GDF11: variants seen among roughly 807,000 people sequenced by gnomAD.
GDF11 encodes the protein growth/differentiation factor 11.
In GDF11, 12 loss-of-function variants were observed where a neutral mutation model predicts 34.4. The ratio of observed to expected loss-of-function variants is 0.35; its 90% CI spans 0.22 to 0.57. The LOEUF (loss-of-function observed/expected upper bound fraction) is 0.57, where lower values mean the gene tolerates loss of function less well. Among genes scored for constraint, GDF11 ranks in the 20% least tolerant of loss-of-function variants. The pLI is 0.86. For synonymous variants in GDF11, 212 were observed against 231.1 expected (o/e 0.92, Z 0.75); for missense variants, 346 against 548.2 (o/e 0.63, Z 3.68).
Position 55,748,169 on chromosome 12 carries a change from A to T in GDF11, c.446-417A>T, listed in dbSNP as rs766679521. On this transcript the variant is annotated intron_variant, in intron 1 of 2. Transcript: ENST00000257868. The surrounding 1 kb of genome is among the most constrained non-coding windows in gnomAD (Gnocchi z 5.6). ...CCAGGCTCTACCTGTCCAGCAGATA[A>T]ATCAGAGCAGATAGGGGAAAGGTGA... Among the ~76,000 whole-genome samples the T allele has an allele frequency of 6.6e-6, 1 of 152,212 alleles. No homozygotes were observed. The highest frequency in any genetic ancestry group is 2.4e-5 in the African/African-American group (1 of 41,446).
rs1207638309 is a variant in GDF11 at position 55,748,034 on chromosome 12, T to C, written c.446-552T>C. Among the ~76,000 whole-genome samples the C allele has an allele frequency of 6.6e-6, 1 of 152,210 alleles. No individual in the cohort carries two copies. Among genetic ancestry groups the C allele is most frequent in the Non-Finnish European group, 1.5e-5 (1 of 68,038 alleles). Reference sequence around the variant, plus strand: ...ATGGGAGTGAGGCAAGAAGCCTAGATCTGAATTCTGGTTTACATAATGGGA... The same window carrying C: ...ATGGGAGTGAGGCAAGAAGCCTAGACCTGAATTCTGGTTTACATAATGGGA... On this transcript the variant is annotated intron_variant, in intron 1 of 2. Transcript: ENST00000257868. The surrounding 1 kb of genome is among the most constrained non-coding windows in gnomAD (Gnocchi z 5.6).
chr12:55,744,707 C>A (rs530599439), intron 1 of GDF11, among the ~76,000 whole-genome samples: 5 of 151,426 alleles, frequency 3.3e-5, no homozygotes, highest in South Asian at 2.1e-4. Context: ...AGGTCTCCCC[C>A]CCTCCCCAAC....
chr12:55,743,972 T>G (rs1164515889), intron 1 of GDF11, among the ~76,000 whole-genome samples: 1 of 151,804 alleles, frequency 6.6e-6, no homozygotes, highest in East Asian at 1.9e-4. Context: ...TTCCCGGAGG[T>G]TGGGGCGGGG....
At position 55,749,903 on chromosome 12, in the gene GDF11, TCCCCCACAGACCCTACCCCAAGACC is replaced by T; in HGVS notation, c.*24_*48del. The T allele has an allele frequency of 1.9e-6, 3 of 1,590,210 alleles. No individual in the cohort carries two copies. The highest frequency in any genetic ancestry group is 2.6e-6 in the Non-Finnish European group (3 of 1,165,534). ...CTTAAGGTGGGGGATAGAGGATGCC[TCCCCCACAGACCCTACCCCAAGACC>T]CCTAGCCCTGCCCCCATCCCCCCAA... On this transcript the variant is annotated 3_prime_UTR_variant, in exon 3 of 3. Transcript: ENST00000257868. The surrounding 1 kb of genome is among the most constrained non-coding windows in gnomAD (Gnocchi z 5.6).
rs1159492220 is a variant in GDF11 at position 55,748,529 on chromosome 12, C to T, written c.446-57C>T. ...CCAAAATTGCCAGTGCCACCCAGGA[C>T]TACTGATCCCCTACACAAACACCCT... On this transcript the variant is annotated intron_variant, in intron 1 of 2. Transcript: ENST00000257868. This position sits in a 1 kb window ranked among gnomAD's most constrained non-coding sequence, Gnocchi z 5.6. 1 of 1,509,884 alleles carries T rather than the reference C, an allele frequency of 6.6e-7. No homozygotes were observed. The highest frequency in any genetic ancestry group is 8.9e-7 in the Non-Finnish European group (1 of 1,121,074). 93.5% of individuals were successfully genotyped at this position (1,509,884 alleles called of 1,614,324 possible). A position where few individuals can be genotyped will look rare whatever the true frequency, so the allele number is the denominator to read the frequency against.
At chr12:55,745,860 C>A (rs1318940990) in intron 1 of GDF11, among the ~76,000 whole-genome samples, 2 of 151,828 alleles carry the variant, frequency 1.3e-5, no homozygotes, top group African/African-American at 4.8e-5. Flanking sequence ...CAGCCCCCTG[C>A]CCTTCTGGGA....
Position 55,754,724 on chromosome 12 carries a change from T to G in GDF11, c.*4842T>G, listed in dbSNP as rs1878449702. 6.6e-6 allele frequency: 1 copy of G among 152,220 alleles called. No homozygotes were observed. The highest frequency in any genetic ancestry group is 2.1e-4 in the South Asian group (1 of 4,834). The allele number at this position is 152,220 out of a possible 1,614,324, so 9.4% of individuals were successfully genotyped here. ...ACTATGCAAATTATGGTAAGCAAAT[T>G]GTAGTGTGAATACATGATATGAGAA... On this transcript the variant is annotated 3_prime_UTR_variant, in exon 3 of 3. Coordinates refer to ENST00000257868, the MANE Select transcript of GDF11 (RefSeq NM_005811.5).
In GDF11 at chr12:55,749,077, T is replaced by C. The variant is rs578095622; in HGVS notation, c.843+94T>C. 1.2e-5 allele frequency: 15 copies of C among 1,291,476 alleles called. No homozygotes were observed. The highest frequency in any genetic ancestry group is 4.5e-5 in the African/African-American group (3 of 67,290). The allele number at this position is 1,291,476 out of a possible 1,614,324, so 80.0% of individuals were successfully genotyped here. A position where few individuals can be genotyped will look rare whatever the true frequency, so the allele number is the denominator to read the frequency against. ...AGGTAGACAAGGAATGTGAAGGAGG[T>C]TGGGGACCAGCATTACTTCTCTGGG... is the stretch of plus-strand genomic sequence containing the variant. On this transcript the variant is annotated intron_variant, in intron 2 of 2. Transcript: ENST00000257868. This position sits in a 1 kb window ranked among gnomAD's most constrained non-coding sequence, Gnocchi z 5.6.
At position 55,743,126 on chromosome 12, in the gene GDF11, G is replaced by T. The variant is rs1231444141; in HGVS notation, c.-191G>T. ...GGCCCGGGCTCGGGCCCCCCCAGCCGCCCGCCCCGGCCGCCCGCCCGCCCC... is the reference window on the plus strand; with the variant it reads ...GGCCCGGGCTCGGGCCCCCCCAGCCTCCCGCCCCGGCCGCCCGCCCGCCCC... On this transcript the variant is annotated 5_prime_UTR_variant, in exon 1 of 3. Coordinates refer to ENST00000257868, the MANE Select transcript of GDF11 (RefSeq NM_005811.5). 2.8e-5 allele frequency among the ~76,000 whole-genome samples: 3 copies of T among 105,886 alleles called. No homozygotes were observed. The highest frequency in any genetic ancestry group is 9.8e-5 in the Admixed American group (1 of 10,172). The allele number at this position is 105,886 out of a possible 152,430, so 69.5% of individuals were successfully genotyped here.
At chr12:55,746,770 AATT>A (rs780645814) in intron 1 of GDF11, among the ~76,000 whole-genome samples, 8 of 152,382 alleles carry the variant, frequency 5.2e-5, no homozygotes, top group Middle Eastern at 3.4e-3. Flanking sequence ...GTGAAGCAAG[AATT>A]ATTATTATCT....
chr12:55,743,793 T>C (rs775708403), intron 1 of GDF11, 32 bp downstream of exon 1: 1 of 1,474,258 alleles, frequency 6.8e-7, no homozygotes, highest in Admixed American at 2.1e-5. Flanking sequence ...AGCAGTGGGG[T>C]GCTGGCTCTG....
chr12:55,754,357 T>G lies in GDF11; in HGVS notation c.*4475T>G, dbSNP rs528080420. On this transcript the variant is annotated 3_prime_UTR_variant, in exon 3 of 3. Coordinates refer to ENST00000257868, the MANE Select transcript of GDF11 (RefSeq NM_005811.5). Reference sequence around the variant, plus strand: ...GAAGGCATGGGAAGCTATCCTATACTCTGACCTTGCCTATATTTTAAATGG... The same window carrying G: ...GAAGGCATGGGAAGCTATCCTATACGCTGACCTTGCCTATATTTTAAATGG... 1 of 152,216 alleles carries G rather than the reference T, an allele frequency of 6.6e-6. No homozygotes were observed. The highest frequency in any genetic ancestry group is 1.9e-4 in the East Asian group (1 of 5,190). The allele number at this position is 152,216 out of a possible 1,614,324, so 9.4% of individuals were successfully genotyped here.
Position 55,749,916 on chromosome 12 carries a change from C to T in GDF11, c.*34C>T, listed in dbSNP as rs770145745. 2.5e-6 allele frequency: 4 copies of T among 1,569,038 alleles called. No homozygotes were observed. Among genetic ancestry groups the T allele is most frequent in the Non-Finnish European group, 3.5e-6 (4 of 1,151,762 alleles). On this transcript the variant is annotated 3_prime_UTR_variant, in exon 3 of 3. Coordinates refer to ENST00000257868, the MANE Select transcript of GDF11 (RefSeq NM_005811.5). The surrounding 1 kb of genome is among the most constrained non-coding windows in gnomAD (Gnocchi z 5.6). The stretch of plus-strand genomic sequence containing the variant: ...ATAGAGGATGCCTCCCCCACAGACC[C>T]TACCCCAAGACCCCTAGCCCTGCCC...
At position 55,755,106 on chromosome 12, in the gene GDF11, A is replaced by G. The variant is rs1205824120; in HGVS notation, c.*5224A>G. 6.6e-6 allele frequency: 1 copy of G among 152,242 alleles called. No homozygotes were observed. Among genetic ancestry groups the G allele is most frequent in the African/African-American group, 2.4e-5 (1 of 41,464 alleles). The allele number at this position is 152,242 out of a possible 1,614,324, so 9.4% of individuals were successfully genotyped here. A position where few individuals can be genotyped will look rare whatever the true frequency, so the allele number is the denominator to read the frequency against. ...GAGGTTAAATTTTGGGGGGATTCCAATAATCAGAAATAAGTGGCATTGCCA... is the reference window on the plus strand; with the variant it reads ...GAGGTTAAATTTTGGGGGGATTCCAGTAATCAGAAATAAGTGGCATTGCCA... On this transcript the variant is annotated 3_prime_UTR_variant, in exon 3 of 3. Coordinates refer to ENST00000257868, the MANE Select transcript of GDF11 (RefSeq NM_005811.5).
intron 1 of GDF11, among the ~76,000 whole-genome samples, chr12:55,744,700 T>C (rs1878143205): frequency 7.1e-6 from 1 of 141,112 alleles, no homozygotes; most frequent in South Asian, 2.5e-4. Flanking sequence ...CCCACTGAGG[T>C]CTCCCCCCCT....
At position 55,749,034 on chromosome 12, in the gene GDF11, A is replaced by G; in HGVS notation, c.843+51A>G. 1 of 1,490,818 alleles carries G rather than the reference A, an allele frequency of 6.7e-7. No homozygotes were observed. Among genetic ancestry groups the G allele is most frequent in the Non-Finnish European group, 9.0e-7 (1 of 1,115,992 alleles). 92.3% of individuals were successfully genotyped at this position (1,490,818 alleles called of 1,614,324 possible). ...ATATGTGTAACCTGGCCCTGAGGAGATAGGGTTACATTGGAAAAGGTAGAC... is the reference window on the plus strand; with the variant it reads ...ATATGTGTAACCTGGCCCTGAGGAGGTAGGGTTACATTGGAAAAGGTAGAC... On this transcript the variant is annotated intron_variant, in intron 2 of 2. Transcript: ENST00000257868. This position sits in a 1 kb window ranked among gnomAD's most constrained non-coding sequence, Gnocchi z 5.6.
rs1878334365 is a variant in GDF11, at chr12:55,751,939, G to A, written c.*2057G>A. 1 of 152,262 alleles carries A rather than the reference G, an allele frequency of 6.6e-6. No homozygotes were observed. Among genetic ancestry groups the A allele is most frequent in the South Asian group, 2.1e-4 (1 of 4,830 alleles). The allele number at this position is 152,262 out of a possible 1,614,324, so 9.4% of individuals were successfully genotyped here. On this transcript the variant is annotated 3_prime_UTR_variant, in exon 3 of 3. Coordinates refer to ENST00000257868, the MANE Select transcript of GDF11 (RefSeq NM_005811.5). ...GGCAAAGGTATGTGACCACCCTTGA[G>A]AAGGTGATGTTGGTGAGCTTTAACA...
rs1230712883 is a variant in GDF11, at chr12:55,751,894, C to T, written c.*2012C>T. On this transcript the variant is annotated 3_prime_UTR_variant, in exon 3 of 3. Transcript: ENST00000257868. Reference sequence around the variant, plus strand: ...TCTTCCCAAGAGCATGACTCTCCCCCTTGGCCAGTTGGTGGAAGGGGCAAA... The same window carrying T: ...TCTTCCCAAGAGCATGACTCTCCCCTTTGGCCAGTTGGTGGAAGGGGCAAA... The T allele has an allele frequency of 6.6e-6, 1 of 152,272 alleles. No individual in the cohort carries two copies. The highest frequency in any genetic ancestry group is 1.5e-5 in the Non-Finnish European group (1 of 68,070). The allele number at this position is 152,272 out of a possible 1,614,324, so 9.4% of individuals were successfully genotyped here.
chr12:55,746,668 GTAGAGAA>G (rs1878191858), intron 1 of GDF11, among the ~76,000 whole-genome samples: 4 of 152,250 alleles, frequency 2.6e-5, no homozygotes, highest in Admixed American at 1.3e-4. Flanking sequence ...TTAGAGCTTA[GTAGAGAA>G]TGCGAAAATA....
Sources: allele counts gnomAD v4.1 joint callset (sites outside exome capture counted in the v4.1 genomes callset), GRCh38; gene constraint gnomAD v4.1.1; non-coding constraint Gnocchi (gnomAD v3.1); transcripts MANE v1.5; gene names NCBI Gene and HGNC (gene_info 2026-07-23, HGNC 2026-07-21).